The following DDX56 variants were observed in gnomAD, a reference collection of about 807,000 sequenced individuals.
DDX56 encodes DEAD-box helicase 56.
In DDX56, 45 loss-of-function variants were observed where a neutral mutation model predicts 61.5. The ratio of observed to expected loss-of-function variants is 0.73; its 90% CI spans 0.58 to 0.94. The LOEUF (loss-of-function observed/expected upper bound fraction) is 0.94. Among genes scored for constraint, DDX56 ranks in the 40% least tolerant of loss-of-function variants. DDX56 has a pLI of 0.00. For synonymous variants in DDX56, 273 were observed against 268.3 expected, an observed-to-expected ratio of 1.02 and a Z score of -0.17; for missense variants, 708 against 690.7, an observed-to-expected ratio of 1.02 and a Z score of -0.28.
chr7:44,566,618 C>A (rs217381), intron 12 of DDX56, 94 bp from the exon 13 acceptor site: 39 of 1,001,380 alleles, frequency 3.9e-5, no homozygotes, highest in Non-Finnish European at 5.1e-5. Flanking sequence ...CAATTCTGAC[C>A]CAACTGGCAG....
At chr7:44,566,908 A>G (rs1253407906) in intron 12 of DDX56, among the ~76,000 whole-genome samples, 1 of 151,714 alleles carries the variant, frequency 6.6e-6, no homozygotes, top group Non-Finnish European at 1.5e-5. Context: ...CGCCCACCCC[A>G]TGGACTCCCC....
At chr7:44,567,884 A>G in intron 12 of DDX56, 1 of 568,338 alleles carries the variant, frequency 1.8e-6, no homozygotes, top group Admixed American at 2.9e-5. Flanking sequence ...ACCCTGCACT[A>G]CCTCAATTTC....
chr7:44,569,231 C>T (rs1342712841), intron 9 of DDX56, 28 bp from the exon 10 acceptor site: 1 of 1,607,702 alleles, frequency 6.2e-7, no homozygotes, highest in Admixed American at 1.7e-5. Flanking sequence ...GCGAGGGTCC[C>T]ACAGGCTGAG....
chr7:44,572,714 T>C lies in DDX56; in HGVS notation c.414A>G (p.Val138=). 6.2e-7 allele frequency: 1 copy of C among 1,614,208 alleles called. No individual in the cohort carries two copies. The highest frequency in any genetic ancestry group is 8.5e-7 in the Non-Finnish European group (1 of 1,180,018). ...TTAATATGCGAGATGGGGTCCCTAC[T>C]ACCACATCTGGCTTCTCCATCAGCA... is the stretch of plus-strand genomic sequence containing the variant. The part of the protein sequence containing the change: ...RAVLMEKPDV[V]VGTPSRILSH... The change falls in exon 4 of 14, where the codon GTA becomes GTG. Residue 138 remains valine (V), a synonymous_variant. Coordinates refer to ENST00000258772, the MANE Select transcript of DDX56 (RefSeq NM_019082.4).
chr7:44,570,804 C>T lies in DDX56; in HGVS notation c.964G>A (p.Ala322Thr), dbSNP rs767238092. 3 of 1,613,502 alleles carry T rather than the reference C, an allele frequency of 1.9e-6. No homozygotes were observed. The highest frequency in any genetic ancestry group is 1.3e-5 in the African/African-American group (1 of 74,914). Residue 322 changes from alanine (A) to threonine (T), a missense_variant, in exon 7 of 14, where the codon GCC becomes ACC. By Grantham distance (58) the Ala-to-Thr change is moderately conservative. Transcript: ENST00000258772. The part of the protein sequence containing the change: ...VIATDAEVLG[A>T]PVKGKRRGRG... ...CCCCGACGCTTGCCCTTGACTGGGG[C>T]CCCCAGGACTTCAGCATCAGTTGCT...
At chr7:44,572,530 C>T (rs763718225) in intron 4 of DDX56, 44 bp downstream of exon 4, 1 of 1,613,322 alleles carries the variant, frequency 6.2e-7, no homozygotes, top group African/African-American at 1.3e-5. Context: ...CCAACTCCTA[C>T]TCACAGATGT....
intron 5 of DDX56, 49 bp from the exon 6 acceptor site, chr7:44,571,785 T>C: frequency 1.2e-6 from 2 of 1,604,092 alleles, no homozygotes; most frequent in South Asian, 2.2e-5. Context: ...AACACAGAGA[T>C]GTATGGCCAC....
chr7:44,566,214 TAAGGA>T (rs1802531486), intron 13 of DDX56, 135 bp from the exon 14 acceptor site: 2 of 659,264 alleles, frequency 3.0e-6, no homozygotes, highest in African/African-American at 3.9e-5. Context: ...GTGCTGCAGA[TAAGGA>T]AATGGGGAAA....
chr7:44,573,042 C>G lies in DDX56; in HGVS notation c.231G>C (p.Pro77=), dbSNP rs781490901. 1 of 1,580,858 alleles carries G rather than the reference C, an allele frequency of 6.3e-7. No individual in the cohort carries two copies. Among genetic ancestry groups the G allele is most frequent in the Admixed American group, 1.9e-5 (1 of 53,142 alleles). ...QLLLHRKATG[P]VVEQAVRGLV... Reference sequence around the variant, plus strand: ...GGCCTCTCACTGCCTGTTCTACCACCGGACCTGTCTGTAAGAATATGAATT... The same window carrying G: ...GGCCTCTCACTGCCTGTTCTACCACGGGACCTGTCTGTAAGAATATGAATT... The change falls in exon 3 of 14, where the codon CCG becomes CCC. Residue 77 remains proline (P), a synonymous_variant. Transcript: ENST00000258772.
rs1802715076 is a variant in DDX56, at chr7:44,572,957, C to G, written c.316G>C (p.Ala106Pro). ...CGGACATCCCGAGCACAGTAGGTAGCCAGCTGCTGAATCATGGACTGTGCT... is the reference window on the plus strand; with the variant it reads ...CGGACATCCCGAGCACAGTAGGTAGGCAGCTGCTGAATCATGGACTGTGCT... ...RQAQSMIQQL[A>P]TYCARDVRVA... Residue 106 changes from alanine (A) to proline (P), a missense_variant, in exon 3 of 14, where the codon GCT (alanine) becomes CCT (proline). Ala to Pro is a conservative substitution (Grantham distance 27, BLOSUM62 -1). Transcript: ENST00000258772. The G allele has an allele frequency of 6.2e-7, 1 of 1,613,074 alleles. No individual in the cohort carries two copies. The highest frequency in any genetic ancestry group is 1.3e-5 in the African/African-American group (1 of 74,904).
chr7:44,572,652 G>A lies in DDX56; in HGVS notation c.476C>T (p.Ser159Phe). Residue 159 changes from serine to phenylalanine, a missense_variant, in exon 4 of 14, where the codon TCC (serine) becomes TTC (phenylalanine). Physicochemically the swap from Ser to Phe is radical, Grantham distance 155 (BLOSUM62 -2). Coordinates refer to ENST00000258772, the MANE Select transcript of DDX56 (RefSeq NM_019082.4). ...TTCGTCCACCACCAAAAGCTCCAGG[G>A]AGTCACGAAGTTTCAGGCTGTCTTG... ...LQQDSLKLRD[S>F]LELLVVDEAD... 6.2e-7 allele frequency: 1 copy of A among 1,614,154 alleles called. No individual in the cohort carries two copies. Among genetic ancestry groups the A allele is most frequent in the South Asian group, 1.1e-5 (1 of 91,074 alleles).
chr7:44,567,774 CG>C, intron 12 of DDX56: 1 of 363,126 alleles, frequency 2.8e-6, no homozygotes, highest in Non-Finnish European at 5.2e-6. Context: ...GCCTCCTGCC[CG>C]TGACTCTCTC....
At position 44,568,968 on chromosome 7, in the gene DDX56, G is replaced by A; in HGVS notation, c.1318C>T (p.Gln440Ter). ...TTCAATCTTGCCTCCCGAATGGCCTGCTTAGTCACTGAGCGCATGGCATCC... is the reference window on the plus strand; with the variant it reads ...TTCAATCTTGCCTCCCGAATGGCCTACTTAGTCACTGAGCGCATGGCATCC... ...CRDAMRSVTK[Q>*]AIREARLKEI... is the part of the protein sequence containing the mutation. Residue 440 changes from glutamine (Q) to a stop codon, truncating the protein, a stop_gained, in exon 11 of 14, where the codon CAG (glutamine) becomes TAG (stop). Coordinates refer to ENST00000258772, the MANE Select transcript of DDX56 (RefSeq NM_019082.4). LOFTEE classifies it high-confidence loss of function. The A allele has an allele frequency of 6.2e-7, 1 of 1,614,128 alleles. No individual in the cohort carries two copies. Among genetic ancestry groups the A allele is most frequent in the Non-Finnish European group, 8.5e-7 (1 of 1,180,042 alleles).
At position 44,568,965 on chromosome 7, in the gene DDX56, C is replaced by T; in HGVS notation, c.1321G>A (p.Ala441Thr). ...TCCTTCAATCTTGCCTCCCGAATGGCCTGCTTAGTCACTGAGCGCATGGCA... is the reference window on the plus strand; with the variant it reads ...TCCTTCAATCTTGCCTCCCGAATGGTCTGCTTAGTCACTGAGCGCATGGCA... ...RDAMRSVTKQAIREARLKEIK... is the reference protein window; with the variant it reads ...RDAMRSVTKQTIREARLKEIK... The change falls in exon 11 of 14, where the codon GCC (alanine) becomes ACC (threonine). Residue 441 changes from alanine (A) to threonine (T), a missense_variant. Coordinates refer to ENST00000258772, the MANE Select transcript of DDX56 (RefSeq NM_019082.4). 1 of 1,614,164 alleles carries T rather than the reference C, an allele frequency of 6.2e-7. No individual in the cohort carries two copies.
chr7:44,566,586 G>A (rs968962126), intron 12 of DDX56, 62 bp from the exon 13 acceptor site: 26 of 1,325,568 alleles, frequency 2.0e-5, no homozygotes, highest in African/African-American at 1.6e-4. Context: ...CTGCCCTCCC[G>A]CTGATTCTGC....
chr7:44,569,051 C>T (rs1418854048), intron 10 of DDX56, 59 bp from the exon 11 acceptor site: 1 of 1,611,612 alleles, frequency 6.2e-7, no homozygotes, highest in Non-Finnish European at 8.5e-7. Context: ...CCCTTCACAC[C>T]TGGATGCTCA....
Position 44,570,826 on chromosome 7 carries a change from T to G in DDX56, c.942A>C (p.Ala314=), listed in dbSNP as rs1802651394. The change falls in exon 7 of 14, where the codon GCA becomes GCC. Residue 314 remains alanine, a synonymous_variant. Coordinates refer to ENST00000258772, the MANE Select transcript of DDX56 (RefSeq NM_019082.4). ...FNQGFYDCVI[A]TDAEVLGAPV... ...GGGCCCCCAGGACTTCAGCATCAGT[T>G]GCTATGACACAGTCGTAGAAGCCTT... 6.2e-7 allele frequency: 1 copy of G among 1,614,036 alleles called. No homozygotes were observed. Among genetic ancestry groups the G allele is most frequent in the Non-Finnish European group, 8.5e-7 (1 of 1,179,924 alleles).
intron 12 of DDX56, among the ~76,000 whole-genome samples, chr7:44,566,764 G>A (rs892494064): frequency 1.3e-5 from 2 of 152,014 alleles, no homozygotes; most frequent in Non-Finnish European, 2.9e-5. Context: ...GAAAGAAAAA[G>A]ACAGACATCC....
rs906150085 is a variant in DDX56 at position 44,569,846 on chromosome 7, C to G, written c.1182G>C (p.Gln394His). The G allele has an allele frequency of 6.2e-7, 1 of 1,610,400 alleles. No individual in the cohort carries two copies. The highest frequency in any genetic ancestry group is 1.3e-5 in the African/African-American group (1 of 74,892). The change falls in exon 9 of 14, where the codon CAG becomes CAC. Residue 394 changes from glutamine to histidine, a missense_variant. Transcript: ENST00000258772. ...GCTCCTCAATCTTGCCTAAGTGGAA[C>G]TGCTCCGTGGGAAGCACAAAGGTTA... is the stretch of plus-strand genomic sequence containing the variant. ...IVLTFVLPTE[Q>H]FHLGKIEELL...
Sources: allele counts gnomAD v4.1 joint callset (sites outside exome capture counted in the v4.1 genomes callset), GRCh38; gene constraint gnomAD v4.1.1; transcripts MANE v1.5; gene names NCBI Gene and HGNC (gene_info 2026-07-23, HGNC 2026-07-21).